The following RBM26 variants were observed in gnomAD, a reference collection of about 807,000 sequenced individuals.
RBM26 encodes RNA binding motif protein 26, also known as RNA-binding protein 26.
In RBM26, 30 loss-of-function variants were observed where a neutral mutation model predicts 123.6. The observed-to-expected ratio is 0.24, with a 90% CI of 0.18 to 0.33. The LOEUF (loss-of-function observed/expected upper bound fraction) is 0.33. RBM26 is among the 10% of genes least tolerant of loss of function. The pLI, the probability that RBM26 is intolerant of heterozygous loss-of-function variation, is 1.00. For synonymous variants in RBM26, 400 were observed against 404.4 expected (o/e 0.99, Z 0.13); for missense variants, 947 against 1,203.6 (o/e 0.79, Z 3.15).
At chr13:79,369,793 T>C (rs769326695) in intron 5 of RBM26, among the ~76,000 whole-genome samples, 2 of 152,226 alleles carry the variant, frequency 1.3e-5, no homozygotes, top group Non-Finnish European at 2.9e-5. Context: ...AAAATAGTTT[T>C]GAAGTATAAC....
chr13:79,312,870 T>A (rs2066932482), exon 5 of RBM26: 1 of 151,918 alleles, frequency 6.6e-6, no homozygotes, highest in African/African-American at 2.4e-5. Flanking sequence ...GGTTCAAAAA[T>A]GATACTGAAA....
intron 19 of RBM26, among the ~76,000 whole-genome samples, chr13:79,335,610 C>T (rs2070218972): frequency 6.6e-6 from 1 of 152,102 alleles, no homozygotes; most frequent in Non-Finnish European, 1.5e-5. Flanking sequence ...TAAACTTCAA[C>T]TAAACCTGTG....
In RBM26 at chr13:79,319,167, A is replaced by G. The variant is rs1296673404; in HGVS notation, c.*1454T>C. The stretch of plus-strand genomic sequence containing the variant: ...TATGGGGAAGAAGAAAAAGAACAGC[A>G]TCCTTAAGTTACTCCACTGGCAGAA... On this transcript the variant is annotated 3_prime_UTR_variant, in exon 22 of 22. Transcript: ENST00000438737. 2 of 984,548 alleles carry G rather than the reference A, an allele frequency of 2.0e-6. No homozygotes were observed. Among genetic ancestry groups the G allele is most frequent in the Non-Finnish European group, 2.4e-6 (2 of 829,414 alleles). 61.0% of individuals were successfully genotyped at this position (984,548 alleles called of 1,614,324 possible).
chr13:79,400,798 T>C (rs1460095450), intron 1 of RBM26, among the ~76,000 whole-genome samples: 4 of 152,178 alleles, frequency 2.6e-5, no homozygotes, highest in Non-Finnish European at 5.9e-5. Context: ...GCAATAAATA[T>C]AAATTGATTG....
At chr13:79,404,626 C>T (rs2079355708) in intron 1 of RBM26, among the ~76,000 whole-genome samples, 1 of 152,186 alleles carries the variant, frequency 6.6e-6, no homozygotes. Context: ...ACAATCACTT[C>T]TGCTACAGGG....
At chr13:79,381,696 T>A (rs2077081974) in intron 1 of RBM26, among the ~76,000 whole-genome samples, 1 of 152,064 alleles carries the variant, frequency 6.6e-6, no homozygotes, top group South Asian at 2.1e-4. Context: ...AAGGCTTTCA[T>A]GATTTTTATA....
rs1010708167 is a variant in RBM26, at chr13:79,320,253, A to G, written c.*368T>C. The G allele has an allele frequency of 5.0e-5, 49 of 971,538 alleles. No homozygotes were observed. Among genetic ancestry groups the G allele is most frequent in the East Asian group, 1.1e-4 (1 of 8,930 alleles). The allele number at this position is 971,538 out of a possible 1,614,324, so 60.2% of individuals were successfully genotyped here. A position where few individuals can be genotyped will look rare whatever the true frequency, so the allele number is the denominator to read the frequency against. On this transcript the variant is annotated 3_prime_UTR_variant, in exon 22 of 22. Transcript: ENST00000438737. ...TCATTAAGATTTTAAATGCAAATTC[A>G]TTCCTTATTTGGAATAAAACAAAGT... is the stretch of plus-strand genomic sequence containing the variant.
intron 3 of RBM26, among the ~76,000 whole-genome samples, chr13:79,373,755 C>T (rs1292897808): frequency 7.9e-6 from 1 of 125,922 alleles, no homozygotes; most frequent in Non-Finnish European, 1.6e-5. Flanking sequence ...ATATATATAT[C>T]TGGGAAAACA....
chr13:79,378,677 T>G lies in RBM26; in HGVS notation c.190+112A>C, dbSNP rs965028986. The G allele has an allele frequency of 4.7e-5, 26 of 554,658 alleles. No individual in the cohort carries two copies. In the South Asian group the frequency reaches 5.5e-4, roughly 12 times the overall value. 34.4% of individuals were successfully genotyped at this position (554,658 alleles called of 1,614,324 possible). On this transcript the variant is annotated intron_variant, in intron 2 of 21. Coordinates refer to ENST00000438737, the MANE Select transcript of RBM26 (RefSeq NM_001366735.2). ...CTGGTCTTGAACTCCTGACCTCAGGTGATCCACCCACCTCAGCCTCCCAAA... is the reference window on the plus strand; with the variant it reads ...CTGGTCTTGAACTCCTGACCTCAGGGGATCCACCCACCTCAGCCTCCCAAA...
intron 2 of RBM26, among the ~76,000 whole-genome samples, chr13:79,378,275 T>A (rs1018664247): frequency 2.0e-5 from 3 of 152,308 alleles, no homozygotes; most frequent in Non-Finnish European, 4.4e-5. Flanking sequence ...TAAGAAAAAA[T>A]ATCAACATGC....
At chr13:79,342,280 T>A (rs1241273855) in intron 17 of RBM26, among the ~76,000 whole-genome samples, 1 of 151,802 alleles carries the variant, frequency 6.6e-6, no homozygotes, top group Non-Finnish European at 1.5e-5. Context: ...AACCTGAATT[T>A]TCCCCTTTTC....
rs1234404596 is a variant in RBM26, at chr13:79,318,925, C to T, written c.*1696G>A. The T allele has an allele frequency of 1.0e-6, 1 of 977,898 alleles. No homozygotes were observed. The highest frequency in any genetic ancestry group is 1.1e-4 in the East Asian group (1 of 8,786). The allele number at this position is 977,898 out of a possible 1,614,324, so 60.6% of individuals were successfully genotyped here. A position where few individuals can be genotyped will look rare whatever the true frequency, so the allele number is the denominator to read the frequency against. On this transcript the variant is annotated 3_prime_UTR_variant, in exon 22 of 22. Coordinates refer to ENST00000438737, the MANE Select transcript of RBM26 (RefSeq NM_001366735.2). ...ACTTACCTAATGAATCAGAATAGCA[C>T]ATAGTCAACATACAAGAGACTACAT...
At chr13:79,373,696 A>C (rs1159751828) in intron 3 of RBM26, among the ~76,000 whole-genome samples, 2 of 22,958 alleles carry the variant, frequency 8.7e-5, no homozygotes, top group Non-Finnish European at 2.1e-4. Flanking sequence ...ATAATATATA[A>C]TATTTTATAT....
intron 18 of RBM26, among the ~76,000 whole-genome samples, chr13:79,340,376 A>G (rs963884913): frequency 3.7e-4 from 57 of 152,078 alleles, no homozygotes; most frequent in African/African-American, 1.3e-3. Flanking sequence ...ACCGTGTCCA[A>G]AAAATGATCA....
intron 18 of RBM26, among the ~76,000 whole-genome samples, chr13:79,339,972 G>C (rs1594090562): frequency 6.6e-6 from 1 of 152,008 alleles, no homozygotes; most frequent in Non-Finnish European, 1.5e-5. Context: ...TCAGTGTTTA[G>C]CTATGTTATA....
intron 18 of RBM26, among the ~76,000 whole-genome samples, 161 bp from the exon 19 acceptor site, chr13:79,337,463 A>G (rs1049792022): frequency 2.6e-5 from 4 of 152,214 alleles, no homozygotes; most frequent in Admixed American, 2.6e-4. Context: ...TAGTTTAGTG[A>G]AAGTAAATGT....
At chr13:79,367,405 T>G (rs1594383267) in intron 6 of RBM26, among the ~76,000 whole-genome samples, 1 of 10,090 alleles carries the variant, frequency 9.9e-5, no homozygotes, top group African/African-American at 2.4e-4. Flanking sequence ...AGACTCCATC[T>G]CAAAAAAAAA....
At position 79,380,738 on chromosome 13, in the gene RBM26, C is replaced by T. The variant is rs545342815; in HGVS notation, c.72-1831G>A. Among the ~76,000 whole-genome samples the T allele has an allele frequency of 1.3e-4, 20 of 152,070 alleles. No individual in the cohort carries two copies. The East Asian group carries it at 2.7e-3, about 21-fold the overall frequency. On this transcript the variant is annotated intron_variant, in intron 1 of 21. Coordinates refer to ENST00000438737, the MANE Select transcript of RBM26 (RefSeq NM_001366735.2). Reference sequence around the variant, plus strand: ...ACTAGAACTTACTCATCCAATCCAGCGTAATTTTGTATCTGTTAACCAACC... The same window carrying T: ...ACTAGAACTTACTCATCCAATCCAGTGTAATTTTGTATCTGTTAACCAACC...
chr13:79,403,844 CT>C (rs1408494109), intron 1 of RBM26, among the ~76,000 whole-genome samples: 1 of 152,216 alleles, frequency 6.6e-6, no homozygotes, highest in Non-Finnish European at 1.5e-5. Context: ...TTACCAATGA[CT>C]TCCACTTTGC....
Sources: allele counts gnomAD v4.1 joint callset (sites outside exome capture counted in the v4.1 genomes callset), GRCh38; gene constraint gnomAD v4.1.1; transcripts MANE v1.5; gene names NCBI Gene and HGNC (gene_info 2026-07-23, HGNC 2026-07-21).